Variants in PDE4D observed in about 807,000 individuals in gnomAD.
PDE4D encodes 3',5'-cyclic-AMP phosphodiesterase 4D.
A neutral mutation model predicts 87.4 loss-of-function variants in PDE4D; 24 were observed. The ratio of observed to expected loss-of-function variants is 0.27; its 90% confidence interval spans 0.20 to 0.39. The LOEUF (loss-of-function observed/expected upper bound fraction) is 0.39, where lower values mean the gene tolerates loss of function less well. Among genes scored for constraint, PDE4D ranks in the 10% least tolerant of loss-of-function variants. PDE4D has a pLI of 1.00. For missense variants in PDE4D, 714 were observed against 1,041.0 expected, an observed-to-expected ratio of 0.69 and a Z score of 4.32; for synonymous variants, 384 against 383.2, an observed-to-expected ratio of 1.00 and a Z score of -0.02.
intron 2 of PDE4D, among the ~76,000 whole-genome samples, chr5:60,033,932 C>T (rs1050268588): frequency 2.6e-4 from 39 of 152,172 alleles, no homozygotes; most frequent in Admixed American, 2.2e-3. Context: ...ATAATATACA[C>T]TGCTAGCTCA....
intron 1 of PDE4D, among the ~76,000 whole-genome samples, chr5:60,352,100 T>C (rs1405232379): frequency 6.6e-6 from 1 of 151,992 alleles, no homozygotes; most frequent in Non-Finnish European, 1.5e-5. Flanking sequence ...CCACAGTACT[T>C]GGCCTTTTTT....
At position 60,201,035 on chromosome 5, in the gene PDE4D, G is replaced by A. The variant is rs142941584; in HGVS notation, c.-89-15348C>T. Reference sequence around the variant, plus strand: ...GATGGAAGACATTCTCATTAAAGCCGGGAGCAGCAGAAAAATACCCACTAC... The same window carrying A: ...GATGGAAGACATTCTCATTAAAGCCAGGAGCAGCAGAAAAATACCCACTAC... On this transcript the variant is annotated intron_variant, in intron 1 of 16. Transcript: ENST00000502484. Among the ~76,000 whole-genome samples the A allele has an allele frequency of 9.9e-5, 15 of 151,952 alleles. No homozygotes were observed. The East Asian group carries it at 2.3e-3, about 24-fold the overall frequency.
At chr5:60,210,290 T>C (rs376410196) in intron 1 of PDE4D, among the ~76,000 whole-genome samples, 1 of 152,064 alleles carries the variant, frequency 6.6e-6, no homozygotes, top group Non-Finnish European at 1.5e-5. Context: ...AAAAATTATA[T>C]ATAAATCCTC....
intron 1 of PDE4D, among the ~76,000 whole-genome samples, chr5:60,304,883 A>G (rs1263081827): frequency 6.6e-6 from 1 of 151,964 alleles, no homozygotes; most frequent in Non-Finnish European, 1.5e-5. Context: ...TATTCATTAA[A>G]CTGTAAACTG....
intron 1 of PDE4D, among the ~76,000 whole-genome samples, chr5:60,447,623 T>C (rs368073943): frequency 1.3e-5 from 2 of 151,968 alleles, no homozygotes; most frequent in East Asian, 3.9e-4. Flanking sequence ...AGGTCACAGA[T>C]CTGCAGAGGA....
At chr5:60,193,829 C>CT (rs1412798528) in intron 1 of PDE4D, among the ~76,000 whole-genome samples, 1 of 151,382 alleles carries the variant, frequency 6.6e-6, no homozygotes, top group Non-Finnish European at 1.5e-5. Flanking sequence ...CTATTTGAGC[C>CT]TCTTAATGTC....
chr5:59,473,147 A>G (rs1374230883), intron 1 of PDE4D, among the ~76,000 whole-genome samples: 1 of 151,838 alleles, frequency 6.6e-6, no homozygotes, highest in East Asian at 1.9e-4. Context: ...AAAGTCTAGA[A>G]TACAATACAT....
At chr5:60,447,988 T>A (rs1037327942) in intron 1 of PDE4D, among the ~76,000 whole-genome samples, 2 of 152,190 alleles carry the variant, frequency 1.3e-5, no homozygotes, top group Non-Finnish European at 1.5e-5. Flanking sequence ...GGTTTTCTCA[T>A]GATTTTGCTT....
chr5:60,171,626 T>G (rs1366286466), intron 2 of PDE4D, among the ~76,000 whole-genome samples: 1 of 152,218 alleles, frequency 6.6e-6, no homozygotes, highest in East Asian at 1.9e-4. Flanking sequence ...TGGATTTAAA[T>G]CCAGTGAAAT....
At chr5:59,412,430 C>T (rs780121466) in intron 1 of PDE4D, among the ~76,000 whole-genome samples, 3 of 152,246 alleles carry the variant, frequency 2.0e-5, no homozygotes, top group Admixed American at 6.5e-5. Flanking sequence ...TCCACAATTA[C>T]GCTCTGCTTA....
chr5:60,488,851 A>G (rs1306806175), upstream of PDE4D, among the ~76,000 whole-genome samples: 1 of 152,206 alleles, frequency 6.6e-6, no homozygotes, highest in African/African-American at 2.4e-5. Context: ...TTTGACACTT[A>G]GACCACATAA....
At chr5:59,316,385 C>T (rs1380494435) in intron 1 of PDE4D, among the ~76,000 whole-genome samples, 1 of 151,938 alleles carries the variant, frequency 6.6e-6, no homozygotes, top group Non-Finnish European at 1.5e-5. Context: ...TTTAATGTTA[C>T]ATTGATAGCT....
At chr5:59,332,983 G>A (rs1582008554) in intron 1 of PDE4D, among the ~76,000 whole-genome samples, 1 of 152,140 alleles carries the variant, frequency 6.6e-6, no homozygotes, top group African/African-American at 2.4e-5. Flanking sequence ...AAACACCTCC[G>A]GTGCCACCTA....
chr5:60,140,174 T>G (rs1582836759), intron 2 of PDE4D, among the ~76,000 whole-genome samples: 1 of 152,134 alleles, frequency 6.6e-6, no homozygotes, highest in East Asian at 1.9e-4. Context: ...CATTTTTTTG[T>G]ATTCTTTAAT....
intron 1 of PDE4D, among the ~76,000 whole-genome samples, chr5:59,376,536 G>A (rs985306528): frequency 6.6e-6 from 1 of 151,878 alleles, no homozygotes; most frequent in African/African-American, 2.4e-5. Context: ...AATGAGAGAC[G>A]ACACAAAAAA....
intron 1 of PDE4D, among the ~76,000 whole-genome samples, chr5:59,303,037 C>T (rs1381636975): frequency 6.6e-6 from 1 of 152,092 alleles, no homozygotes; most frequent in Non-Finnish European, 1.5e-5. Context: ...CCCTTCCATG[C>T]CAACATCTAC....
intron 1 of PDE4D, among the ~76,000 whole-genome samples, chr5:59,788,405 C>T (rs1192845918): frequency 6.6e-6 from 1 of 152,330 alleles, no homozygotes; most frequent in East Asian, 1.9e-4. Context: ...AATATGGCAG[C>T]TGCACTTGAA....
intron 1 of PDE4D, among the ~76,000 whole-genome samples, chr5:60,407,867 T>C (rs1464156461): frequency 2.0e-5 from 3 of 152,188 alleles, no homozygotes; most frequent in African/African-American, 7.2e-5. Context: ...GGGCGGTCTA[T>C]GTCATCTCCC....
chr5:59,104,821 AAT>A (rs1771326094), intron 5 of PDE4D, among the ~76,000 whole-genome samples: 1 of 152,146 alleles, frequency 6.6e-6, no homozygotes, highest in South Asian at 2.1e-4. Flanking sequence ...GGATGATGTG[AAT>A]GCACTTACTA....
Sources: allele counts gnomAD v4.1 joint callset (sites outside exome capture counted in the v4.1 genomes callset), GRCh38; gene constraint gnomAD v4.1.1; transcripts MANE v1.5; gene names NCBI Gene and HGNC (gene_info 2026-07-23, HGNC 2026-07-21).